DPYD: variants seen among roughly 807,000 people sequenced by gnomAD.
DPYD encodes the protein dihydropyrimidine dehydrogenase, also known as dihydropyrimidine dehydrogenase [NADP(+)].
Under a neutral mutation model 116.2 loss-of-function variants are expected in DPYD, and 109 were observed. That is an observed-to-expected ratio of 0.94 (90% confidence interval 0.80 to 1.10). The LOEUF (loss-of-function observed/expected upper bound fraction) is 1.10, where lower values mean the gene tolerates loss of function less well. Among genes scored for constraint, DPYD ranks in the 50% least tolerant of loss-of-function variants. The pLI is 0.00. For synonymous variants in DPYD, 440 were observed against 432.0 expected, an observed-to-expected ratio of 1.02 and a Z score of -0.23; for missense variants, 1,302 against 1,254.5, an observed-to-expected ratio of 1.04 and a Z score of -0.57.
At chr1:97,670,641 C>T (rs1222184550) in intron 8 of DPYD, among the ~76,000 whole-genome samples, 1 of 152,134 alleles carries the variant, frequency 6.6e-6, no homozygotes, top group Non-Finnish European at 1.5e-5. Flanking sequence ...TTTGGCATAG[C>T]AGCCCAGCAA....
chr1:97,170,075 A>G (rs1430059319), intron 20 of DPYD, among the ~76,000 whole-genome samples: 4 of 152,204 alleles, frequency 2.6e-5, no homozygotes, highest in Non-Finnish European at 5.9e-5. Context: ...AGGCATACAT[A>G]CAGAAAATAT....
intron 8 of DPYD, among the ~76,000 whole-genome samples, chr1:97,650,200 T>C (rs1658503764): frequency 1.3e-5 from 2 of 152,214 alleles, no homozygotes; most frequent in South Asian, 2.1e-4. Context: ...GTACTGAATG[T>C]CTGTCTCCCA....
intron 8 of DPYD, among the ~76,000 whole-genome samples, chr1:97,608,969 T>A (rs1185458109): frequency 6.6e-6 from 1 of 151,822 alleles, no homozygotes; most frequent in African/African-American, 2.4e-5. Flanking sequence ...TATACTAACA[T>A]CTGAACCACT....
At chr1:97,418,605 T>C (rs932428930) in intron 14 of DPYD, among the ~76,000 whole-genome samples, 1 of 152,112 alleles carries the variant, frequency 6.6e-6, no homozygotes, top group African/African-American at 2.4e-5. Flanking sequence ...CAGCCTAAGA[T>C]GATTTCTTAT....
chr1:97,848,258 C>T (rs537575927), intron 2 of DPYD, among the ~76,000 whole-genome samples: 8 of 152,236 alleles, frequency 5.3e-5, no homozygotes, highest in African/African-American at 1.4e-4. Context: ...CCACCACGGC[C>T]GGCTAACTTT....
chr1:97,392,898 A>G (rs552999056), intron 14 of DPYD, among the ~76,000 whole-genome samples: 1 of 151,236 alleles, frequency 6.6e-6, no homozygotes, highest in South Asian at 2.1e-4. Context: ...TTTCTTCCAA[A>G]CTCCTGTTAA....
intron 19 of DPYD, among the ~76,000 whole-genome samples, chr1:97,231,255 T>C (rs1298952731): frequency 6.6e-6 from 1 of 152,222 alleles, no homozygotes; most frequent in Non-Finnish European, 1.5e-5. Flanking sequence ...GGTCCTGTGA[T>C]GGAAGACAGG....
intron 3 of DPYD, among the ~76,000 whole-genome samples, chr1:97,800,242 T>G (rs1667780495): frequency 6.6e-6 from 1 of 151,862 alleles, no homozygotes; most frequent in African/African-American, 2.4e-5. Context: ...ATTATAGCTA[T>G]TATTATTATT....
At chr1:97,327,495 A>C (rs566909877) in intron 16 of DPYD, among the ~76,000 whole-genome samples, 5 of 152,140 alleles carry the variant, frequency 3.3e-5, no homozygotes, top group Non-Finnish European at 2.9e-5. Context: ...TAAAGAAGAA[A>C]AAACTAAAAT....
At chr1:97,119,920 C>A (rs1652290425) in intron 20 of DPYD, among the ~76,000 whole-genome samples, 1 of 152,212 alleles carries the variant, frequency 6.6e-6, no homozygotes, top group South Asian at 2.1e-4. Flanking sequence ...AACATCTCTT[C>A]ATGCAAAGCT....
chr1:97,503,750 C>A (rs1679727223), intron 13 of DPYD, among the ~76,000 whole-genome samples: 1 of 151,750 alleles, frequency 6.6e-6, no homozygotes, highest in Non-Finnish European at 1.5e-5. Flanking sequence ...TGAACTAAAA[C>A]CTGCTGCCAT....
At chr1:97,180,323 C>T (rs1326606772) in intron 20 of DPYD, among the ~76,000 whole-genome samples, 1 of 152,022 alleles carries the variant, frequency 6.6e-6, no homozygotes, top group East Asian at 1.9e-4. Context: ...TCCCTTTATT[C>T]AAGTGAGCAG....
At chr1:97,649,526 A>G (rs1658463728) in intron 8 of DPYD, among the ~76,000 whole-genome samples, 1 of 152,082 alleles carries the variant, frequency 6.6e-6, no homozygotes, top group African/African-American at 2.4e-5. Flanking sequence ...GTGGTTGGAA[A>G]TAACAATTAG....
At chr1:97,830,880 A>G (rs1669510037) in intron 2 of DPYD, among the ~76,000 whole-genome samples, 1 of 152,148 alleles carries the variant, frequency 6.6e-6, no homozygotes, top group Non-Finnish European at 1.5e-5. Context: ...TAATGAGTAG[A>G]AGCGGCAACC....
intron 20 of DPYD, among the ~76,000 whole-genome samples, chr1:97,099,672 G>C (rs956029946): frequency 2.6e-5 from 4 of 152,008 alleles, no homozygotes; most frequent in Non-Finnish European, 5.9e-5. Context: ...CTAGCTGATG[G>C]AGGTTTGGAA....
chr1:97,389,392 G>C (rs1672547415), intron 14 of DPYD, among the ~76,000 whole-genome samples: 1 of 151,144 alleles, frequency 6.6e-6, no homozygotes, highest in Non-Finnish European at 1.5e-5. Context: ...CAAAAAGGCA[G>C]ATATTTAATC....
Position 97,920,950 on chromosome 1 carries a change from A to AT in DPYD, c.-29_-28insA. On this transcript the variant is annotated 5_prime_UTR_variant, in exon 1 of 23. In the 5' UTR this introduces an upstream ATG that the reference lacks. Coordinates refer to ENST00000370192, the MANE Select transcript of DPYD (RefSeq NM_000110.4). ...CAGTGCCTACAGTCTCGAGTCTGCCAGTGACAAACCCTCCTTGCGTCCTCA... is the reference window on the plus strand; with the variant it reads ...CAGTGCCTACAGTCTCGAGTCTGCCATGTGACAAACCCTCCTTGCGTCCTCA... 1.3e-6 allele frequency: 2 copies of AT among 1,573,892 alleles called. No homozygotes were observed. Among genetic ancestry groups the AT allele is most frequent in the South Asian group, 2.3e-5 (2 of 85,502 alleles).
At chr1:97,431,543 C>T (rs547750990) in intron 14 of DPYD, among the ~76,000 whole-genome samples, 4 of 152,038 alleles carry the variant, frequency 2.6e-5, no homozygotes, top group Admixed American at 6.6e-5. Context: ...TTTGATTTGT[C>T]AGTTTGGGGA....
In DPYD at chr1:97,699,423, G is replaced by A. The variant is rs1372761070; in HGVS notation, c.608C>T (p.Ala203Val). ...FGAGPASISC[A>V]SFLARLGYSD... ...GTACCCCAATCGAGCCAAAAAGGAA[G>A]CACAACTTATACTTGCAGGCCCAGC... The change falls in exon 6 of 23, where the codon GCT (alanine) becomes GTT (valine). Residue 203 changes from alanine to valine, a missense_variant. Transcript: ENST00000370192. The A allele has an allele frequency of 4.3e-6, 7 of 1,613,576 alleles. No individual in the cohort carries two copies. Among genetic ancestry groups the A allele is most frequent in the African/African-American group, 1.3e-5 (1 of 74,876 alleles).
Sources: gnomAD v4.1 joint callset for allele counts (sites outside exome capture counted in the v4.1 genomes callset) on GRCh38, gnomAD v4.1.1 for gene constraint, MANE v1.5 for transcripts, NCBI Gene and HGNC (gene_info 2026-07-23, HGNC 2026-07-21) for gene names.